EPHB1: variants seen among roughly 807,000 people sequenced by gnomAD.
EPHB1 encodes the protein ephrin type-B receptor 1.
A neutral mutation model predicts 94.4 loss-of-function variants in EPHB1; 30 were observed. That is an observed-to-expected ratio of 0.32 (90% CI 0.24 to 0.43). The LOEUF (loss-of-function observed/expected upper bound fraction) is 0.43, where lower values mean the gene tolerates loss of function less well. Among genes scored for constraint, EPHB1 ranks in the 20% least tolerant of loss-of-function variants. The pLI is 1.00. For missense variants in EPHB1, 1,055 were observed against 1,308.3 expected, an observed-to-expected ratio of 0.81 and a Z score of 2.99; for synonymous variants, 522 against 489.1, an observed-to-expected ratio of 1.07 and a Z score of -0.89.
chr3:135,060,539 A>T (rs1209817966), intron 3 of EPHB1, among the ~76,000 whole-genome samples: 1 of 152,158 alleles, frequency 6.6e-6, no homozygotes, highest in East Asian at 1.9e-4. Flanking sequence ...TTTGGTATAT[A>T]CCTAGGATTG....
rs201511528 is a variant in EPHB1, at chr3:135,166,897, G to C, written c.1695-45G>C. 223 of 1,608,744 alleles carry C rather than the reference G, an allele frequency of 1.4e-4. 1 individual carries two copies. The African/African-American group carries it at 2.8e-3, about 20-fold the overall frequency. Reference sequence around the variant, plus strand: ...AGATGGAGGTACCTGGAACAGACTGGTGGGTGTGCCCTGTGGCTGAGAGAG... The same window carrying C: ...AGATGGAGGTACCTGGAACAGACTGCTGGGTGTGCCCTGTGGCTGAGAGAG... On this transcript the variant is annotated intron_variant, in intron 8 of 15. Coordinates refer to ENST00000398015, the MANE Select transcript of EPHB1 (RefSeq NM_004441.5).
rs112873290 is a variant in EPHB1 at position 135,166,844 on chromosome 3, G to A, written c.1695-98G>A. On this transcript the variant is annotated intron_variant, in intron 8 of 15. Transcript: ENST00000398015. ...AGTCCCTAATCCTGGGAGATGCCCC[G>A]GGTGAGCCCCTATCTGGCCTGGGGC... is the stretch of plus-strand genomic sequence containing the variant. 337 of 1,272,616 alleles carry A rather than the reference G, an allele frequency of 2.6e-4. 5 individuals are homozygous for A. In the African/African-American group the frequency reaches 3.4e-3, roughly 13 times the overall value. The allele number at this position is 1,272,616 out of a possible 1,614,324, so 78.8% of individuals were successfully genotyped here.
intron 1 of EPHB1, among the ~76,000 whole-genome samples, chr3:134,911,414 A>C (rs927452088): frequency 2.6e-5 from 4 of 152,126 alleles, no homozygotes; most frequent in African/African-American, 9.7e-5. Flanking sequence ...AACTTCCCAG[A>C]GGGGCCGAGA....
chr3:134,939,454 G>A (rs1318206707), intron 2 of EPHB1, among the ~76,000 whole-genome samples: 1 of 152,148 alleles, frequency 6.6e-6, no homozygotes, highest in East Asian at 1.9e-4. Context: ...AAGGTAAGCT[G>A]GTGCTCACAG....
intron 2 of EPHB1, among the ~76,000 whole-genome samples, chr3:134,946,934 A>G: frequency 6.6e-6 from 1 of 152,196 alleles, no homozygotes; most frequent in East Asian, 1.9e-4. Context: ...GTATTCCTTT[A>G]TAGCAACACA....
Position 134,860,150 on chromosome 3 carries a change from G to GACACACACACACACACACAGACAC in EPHB1, c.58+64480_58+64481insGACACACACACACACACACACACA, listed in dbSNP as rs2037218097. On this transcript the variant is annotated intron_variant, in intron 1 of 15. Coordinates refer to ENST00000398015, the MANE Select transcript of EPHB1 (RefSeq NM_004441.5). ...CAGCTGTAACAAAAGAGAAGGAAGG[G>GACACACACACACACACACAGACAC]ACACACACACACACACACACAGACA... Among the ~76,000 whole-genome samples the GACACACACACACACACACAGACAC allele has an allele frequency of 3.5e-5, 5 of 142,814 alleles. No individual in the cohort carries two copies. In the Admixed American group the frequency reaches 3.5e-4, roughly 10 times the overall value. 93.7% of individuals were successfully genotyped at this position (142,814 alleles called of 152,430 possible). A position where few individuals can be genotyped will look rare whatever the true frequency, so the allele number is the denominator to read the frequency against.
intron 3 of EPHB1, among the ~76,000 whole-genome samples, chr3:135,044,465 AAAG>A (rs1156543009): frequency 6.6e-6 from 1 of 152,204 alleles, no homozygotes; most frequent in Non-Finnish European, 1.5e-5. Context: ...AGTGTGCTGC[AAAG>A]AAGAGAGGTT....
chr3:135,097,706 G>A (rs533455891), intron 3 of EPHB1, among the ~76,000 whole-genome samples: 1 of 152,316 alleles, frequency 6.6e-6, no homozygotes, highest in African/African-American at 2.4e-5. Context: ...AGTGATACAA[G>A]TGTATGACAC....
chr3:134,868,260 AT>A (rs1473653594), intron 1 of EPHB1, among the ~76,000 whole-genome samples: 1 of 152,142 alleles, frequency 6.6e-6, no homozygotes, highest in Non-Finnish European at 1.5e-5. Flanking sequence ...GGCTCTTACC[AT>A]TTTTTATCAG....
chr3:135,204,661 C>T (rs866790906), intron 12 of EPHB1, among the ~76,000 whole-genome samples: 1 of 150,284 alleles, frequency 6.7e-6, no homozygotes, highest in African/African-American at 2.5e-5. Flanking sequence ...CCACTATGCC[C>T]TGCTAATTTT....
intron 3 of EPHB1, among the ~76,000 whole-genome samples, chr3:134,960,852 G>A (rs890721049): frequency 6.6e-6 from 1 of 152,142 alleles, no homozygotes; most frequent in Non-Finnish European, 1.5e-5. Context: ...GAATGAAATA[G>A]GCATTTTGGT....
At chr3:135,206,647 C>T (rs372094319) in intron 12 of EPHB1, among the ~76,000 whole-genome samples, 4 of 152,244 alleles carry the variant, frequency 2.6e-5, no homozygotes, top group East Asian at 1.9e-4. Context: ...GTCACGAGTT[C>T]GAGACCAGCC....
At chr3:135,219,467 G>T (rs962732312) in intron 12 of EPHB1, among the ~76,000 whole-genome samples, 4 of 151,964 alleles carry the variant, frequency 2.6e-5, no homozygotes, top group Non-Finnish European at 4.4e-5. Flanking sequence ...GGCAGAGGTT[G>T]GGTGATGCCA....
chr3:135,152,484 G>A (rs1428031587), intron 5 of EPHB1, among the ~76,000 whole-genome samples: 1 of 152,104 alleles, frequency 6.6e-6, no homozygotes, highest in Non-Finnish European at 1.5e-5. Context: ...ACACAAAGAT[G>A]GGATTAGATG....
chr3:135,251,259 A>G (rs573631602), intron 15 of EPHB1, among the ~76,000 whole-genome samples: 2 of 152,354 alleles, frequency 1.3e-5, no homozygotes, highest in South Asian at 4.1e-4. Flanking sequence ...AGAAGCACTT[A>G]CCAGTGGGAA....
At chr3:135,252,345 C>A (rs1420265093) in intron 15 of EPHB1, among the ~76,000 whole-genome samples, 50 of 143,184 alleles carry the variant, frequency 3.5e-4, no homozygotes, top group Non-Finnish European at 7.3e-4. Flanking sequence ...AGGTATATCT[C>A]CCAATGCTAT....
chr3:135,041,644 T>A (rs902652084), intron 3 of EPHB1, among the ~76,000 whole-genome samples: 2 of 152,204 alleles, frequency 1.3e-5, no homozygotes, highest in African/African-American at 4.8e-5. Flanking sequence ...CCAAGTTAGA[T>A]TTGAATTTTA....
chr3:135,117,206 G>A (rs1273707145), intron 4 of EPHB1, among the ~76,000 whole-genome samples: 1 of 152,260 alleles, frequency 6.6e-6, no homozygotes, highest in Non-Finnish European at 1.5e-5. Flanking sequence ...AGGTAAAGTG[G>A]ACAGGAATGA....
At position 135,154,330 on chromosome 3, in the gene EPHB1, T is replaced by G. The variant is rs542598205; in HGVS notation, c.1422+54T>G. 10 of 1,608,538 alleles carry G rather than the reference T, an allele frequency of 6.2e-6. No individual in the cohort carries two copies. The South Asian group carries it at 8.9e-5, about 14-fold the overall frequency. ...AGACCCAAGGCCAGCCACTGTTCCA[T>G]GGATGGTTGCTAGCTGAAGGCACAA... is the stretch of plus-strand genomic sequence containing the variant. On this transcript the variant is annotated intron_variant, in intron 6 of 15. Transcript: ENST00000398015.
Sources: allele counts gnomAD v4.1 joint callset (sites outside exome capture counted in the v4.1 genomes callset), GRCh38; gene constraint gnomAD v4.1.1; transcripts MANE v1.5; gene names NCBI Gene and HGNC (gene_info 2026-07-23, HGNC 2026-07-21).